ADAMTSL1: variants seen among roughly 807,000 people sequenced by gnomAD.
ADAMTSL1 encodes the protein ADAMTS like 1.
Under a neutral mutation model 201.8 loss-of-function variants are expected in ADAMTSL1, and 126 were observed. The ratio of observed to expected loss-of-function variants is 0.62; its 90% CI spans 0.54 to 0.72. The LOEUF is 0.72. ADAMTSL1 is among the 30% of genes least tolerant of loss of function. The probability of loss-of-function intolerance (pLI) is 0.00; values close to 1 mark genes in which losing one functional copy is unlikely to be tolerated. For synonymous variants in ADAMTSL1, 1,121 were observed against 903.4 expected (o/e 1.24, Z -4.32); for missense variants, 2,679 against 2,277.8 (o/e 1.18, Z -3.59).
At chr9:18,620,147 T>G (rs1208944242) in intron 4 of ADAMTSL1, among the ~76,000 whole-genome samples, 1 of 151,958 alleles carries the variant, frequency 6.6e-6, no homozygotes, top group African/African-American at 2.4e-5. Flanking sequence ...CTCTGACTCT[T>G]CATTCACATC....
intron 2 of ADAMTSL1, among the ~76,000 whole-genome samples, chr9:18,278,182 GTATT>G (rs1233236378): frequency 7.2e-5 from 11 of 151,952 alleles, no homozygotes; most frequent in Non-Finnish European, 1.0e-4. Context: ...GAATCAAAAG[GTATT>G]TATGCACTAC....
chr9:18,877,662 T>C (rs1183772160), intron 23 of ADAMTSL1, among the ~76,000 whole-genome samples: 1 of 152,040 alleles, frequency 6.6e-6, no homozygotes, highest in African/African-American at 2.4e-5. Flanking sequence ...TCTGTGAGGG[T>C]CCTTGGTTGT....
chr9:18,717,905 G>A (rs530120), intron 14 of ADAMTSL1: 900,744 of 1,052,568 alleles, frequency 0.86, 387,351 homozygotes, highest in Admixed American at 0.91. Context: ...CAAAGTTGGA[G>A]TGTTGGCACT....
At chr9:18,209,478 G>A (rs572072578) in intron 2 of ADAMTSL1, among the ~76,000 whole-genome samples, 1 of 152,082 alleles carries the variant, frequency 6.6e-6, no homozygotes, top group Non-Finnish European at 1.5e-5. Context: ...GAACCAAAAC[G>A]CAAACCCTGC....
chr9:18,650,198 G>C (rs899045889), intron 7 of ADAMTSL1, among the ~76,000 whole-genome samples: 4 of 152,228 alleles, frequency 2.6e-5, no homozygotes, highest in African/African-American at 9.6e-5. Context: ...TCTGAGCCAT[G>C]TGCGGGATAT....
chr9:18,399,502 T>C (rs114567214), intron 2 of ADAMTSL1, among the ~76,000 whole-genome samples: 1,741 of 109,136 alleles, frequency 0.016, 34 homozygotes, highest in African/African-American at 0.062. Context: ...TCACCATTTC[T>C]GGCTGATTTT....
intron 1 of ADAMTSL1, among the ~76,000 whole-genome samples, chr9:18,496,579 A>G (rs886588525): frequency 6.6e-6 from 1 of 152,234 alleles, no homozygotes; most frequent in East Asian, 1.9e-4. Flanking sequence ...AGTGACATGA[A>G]GTTAGCTAGT....
chr9:18,877,934 G>C (rs1828274128), intron 23 of ADAMTSL1, among the ~76,000 whole-genome samples: 1 of 152,176 alleles, frequency 6.6e-6, no homozygotes, highest in African/African-American at 2.4e-5. Context: ...GACTCTCCTT[G>C]GGTGGGGCTT....
chr9:18,105,993 A>G (rs1824745499), intron 1 of ADAMTSL1, among the ~76,000 whole-genome samples: 1 of 152,182 alleles, frequency 6.6e-6, no homozygotes, highest in African/African-American at 2.4e-5. Flanking sequence ...ATCGGTCAGG[A>G]GATTATTTTA....
Position 18,706,728 on chromosome 9 carries a change from G to A in ADAMTSL1, c.1575-19G>A, listed in dbSNP as rs780090990. 2.3e-5 allele frequency: 37 copies of A among 1,575,472 alleles called. No homozygotes were observed. The highest frequency in any genetic ancestry group is 3.2e-5 in the Non-Finnish European group (37 of 1,160,282). Reference sequence around the variant, plus strand: ...CTGGGGCTTCTCATCCTGTCCTCTTGTTTGCTTGCCGACTGCAGGTTCATC... The same window carrying A: ...CTGGGGCTTCTCATCCTGTCCTCTTATTTGCTTGCCGACTGCAGGTTCATC... On this transcript the variant is annotated intron_variant, in intron 13 of 28. Coordinates refer to ENST00000380548, the MANE Select transcript of ADAMTSL1 (RefSeq NM_001040272.6).
intron 3 of ADAMTSL1, among the ~76,000 whole-genome samples, chr9:18,567,354 T>TA (rs747278564): frequency 4.8e-4 from 73 of 151,958 alleles, no homozygotes; most frequent in Middle Eastern, 6.8e-3. Context: ...TAATCCCAGT[T>TA]ATTTAGGAGG....
rs560197381 is a variant in ADAMTSL1, at chr9:18,301,986, G to T, written c.207+138005G>T. Among the ~76,000 whole-genome samples the T allele has an allele frequency of 2.0e-5, 3 of 152,248 alleles. No individual in the cohort carries two copies. In the East Asian group the frequency reaches 5.8e-4, roughly 29 times the overall value. On this transcript the variant is annotated intron_variant, in intron 2 of 29. Coordinates refer to the ADAMTSL1 transcript ENST00000680146. The stretch of plus-strand genomic sequence containing the variant: ...GCACCTCAGACACATGATCATAGAG[G>T]CCTCAGTATGTCCAAAGAGAAAGTC...
At chr9:18,505,305 A>G (rs1266278754) in intron 2 of ADAMTSL1, among the ~76,000 whole-genome samples, 8 of 152,206 alleles carry the variant, frequency 5.3e-5, no homozygotes, top group Non-Finnish European at 8.8e-5. Flanking sequence ...ATTGTACAGT[A>G]TTGGTGTTAG....
chr9:18,563,393 C>A (rs1821661843), intron 3 of ADAMTSL1, among the ~76,000 whole-genome samples: 1 of 152,122 alleles, frequency 6.6e-6, no homozygotes, highest in Admixed American at 6.5e-5. Context: ...AGCTTCATCC[C>A]AGAGGGGCAC....
chr9:18,542,268 A>T (rs546165664), intron 3 of ADAMTSL1, among the ~76,000 whole-genome samples: 1 of 152,326 alleles, frequency 6.6e-6, no homozygotes, highest in South Asian at 2.1e-4. Flanking sequence ...AACAAAGAAA[A>T]AAAATACCAC....
intron 1 of ADAMTSL1, among the ~76,000 whole-genome samples, chr9:18,068,792 C>T (rs923339429): frequency 2.0e-5 from 3 of 152,198 alleles, no homozygotes; most frequent in African/African-American, 7.2e-5. Context: ...AAGTAAGATA[C>T]ATCTTTGCAT....
intron 1 of ADAMTSL1, among the ~76,000 whole-genome samples, chr9:18,143,631 G>T (rs1361203704): frequency 1.3e-5 from 2 of 152,078 alleles, no homozygotes; most frequent in African/African-American, 2.4e-5. Flanking sequence ...ATTCCTGCCT[G>T]GTGCCTGCTC....
intron 1 of ADAMTSL1, among the ~76,000 whole-genome samples, chr9:18,004,060 C>G (rs1048671771): frequency 4.6e-5 from 7 of 151,916 alleles, no homozygotes; most frequent in African/African-American, 1.7e-4. Context: ...TAAATGTAAT[C>G]ACTTATATAC....
At chr9:18,743,371 G>A (rs1564197323) in intron 15 of ADAMTSL1, among the ~76,000 whole-genome samples, 1 of 152,158 alleles carries the variant, frequency 6.6e-6, no homozygotes, top group Admixed American at 6.5e-5. Flanking sequence ...GATGGTAAAT[G>A]TATATCTTGC....
Sources: gnomAD v4.1 joint callset for allele counts (sites outside exome capture counted in the v4.1 genomes callset) on GRCh38, gnomAD v4.1.1 for gene constraint, MANE v1.5 for transcripts, NCBI Gene and HGNC (gene_info 2026-07-23, HGNC 2026-07-21) for gene names.